The following PACC1 variants were observed in gnomAD, a reference collection of about 807,000 sequenced individuals.
PACC1 encodes the protein proton activated chloride channel 1.
A neutral mutation model predicts 39.7 loss-of-function variants in PACC1; 34 were observed. The observed-to-expected ratio is 0.86, with a 90% confidence interval of 0.65 to 1.14. PACC1 has a LOEUF of 1.14. PACC1 is among the 50% of genes most tolerant of loss of function. The pLI is 0.00. For missense variants in PACC1, 379 were observed against 436.4 expected, an observed-to-expected ratio of 0.87 and a Z score of 1.17; for synonymous variants, 127 against 160.6, an observed-to-expected ratio of 0.79 and a Z score of 1.58.
At chr1:212,369,861 C>T (rs1660381987) in intron 7 of PACC1, among the ~76,000 whole-genome samples, 1 of 151,382 alleles carries the variant, frequency 6.6e-6, no homozygotes, top group South Asian at 2.1e-4. Flanking sequence ...TTAACTATAC[C>T]TGTAACAGAT....
At chr1:212,381,772 C>CACAGTG (rs796773119) in intron 4 of PACC1, among the ~76,000 whole-genome samples, 1 of 148,252 alleles carries the variant, frequency 6.7e-6, no homozygotes, top group African/African-American at 2.5e-5. Context: ...AGCACAGTGA[C>CACAGTG]ACACACACAC....
At chr1:212,371,056 G>A (rs888365784) in intron 7 of PACC1, among the ~76,000 whole-genome samples, 1 of 151,900 alleles carries the variant, frequency 6.6e-6, no homozygotes, top group Non-Finnish European at 1.5e-5. Context: ...GACCATCCTG[G>A]CCAAAATGGT....
intron 1 of PACC1, among the ~76,000 whole-genome samples, chr1:212,412,974 T>G (rs77758655): frequency 0.013 from 2,010 of 152,314 alleles, 22 homozygotes; most frequent in Non-Finnish European, 0.019. Flanking sequence ...GTTATGTGAC[T>G]CAATAAAAGT....
intron 2 of PACC1, among the ~76,000 whole-genome samples, chr1:212,406,250 C>T (rs144354954): frequency 2.0e-3 from 303 of 152,102 alleles, no homozygotes; most frequent in African/African-American, 6.9e-3. Context: ...AGCATGGTGG[C>T]TCACGCCTGT....
chr1:212,393,925 T>C (rs1661421167), intron 2 of PACC1, among the ~76,000 whole-genome samples: 9 of 150,190 alleles, frequency 6.0e-5, no homozygotes, highest in Non-Finnish European at 7.5e-5. Flanking sequence ...TAACAGGCTC[T>C]GAAATTGAGG....
intron 4 of PACC1, among the ~76,000 whole-genome samples, chr1:212,384,416 C>G (rs1385270602): frequency 1.3e-5 from 2 of 152,192 alleles, no homozygotes; most frequent in African/African-American, 4.8e-5. Flanking sequence ...GGCCATTACT[C>G]TGTCCACAGC....
At position 212,365,124 on chromosome 1, in the gene PACC1, A is replaced by G; in HGVS notation, c.*91T>C. 4 of 1,321,484 alleles carry G rather than the reference A, an allele frequency of 3.0e-6. No individual in the cohort carries two copies. The highest frequency in any genetic ancestry group is 4.1e-6 in the Non-Finnish European group (4 of 973,140). 81.9% of individuals were successfully genotyped at this position (1,321,484 alleles called of 1,614,324 possible). A position where few individuals can be genotyped will look rare whatever the true frequency, so the allele number is the denominator to read the frequency against. On this transcript the variant is annotated 3_prime_UTR_variant, in exon 8 of 8. Coordinates refer to ENST00000261455, the MANE Select transcript of PACC1 (RefSeq NM_018252.3). The stretch of plus-strand genomic sequence containing the variant: ...CAGCAAGGCCCCATTTCTTCAAGTG[A>G]GTACAGGATTGTTGATAGCTCCGTT...
Position 212,409,161 on chromosome 1 carries a change from T to C in PACC1, c.133+1264A>G, listed in dbSNP as rs938457263. ...CCCCCAACCTCCATCTGTGGAAAAA[T>C]TGTCTTCCACAAACCGGTCCCTGGT... On this transcript the variant is annotated intron_variant, in intron 2 of 7. Transcript: ENST00000261455. Among the ~76,000 whole-genome samples the C allele has an allele frequency of 7.2e-5, 11 of 152,208 alleles. No individual in the cohort carries two copies. In the East Asian group the frequency reaches 1.2e-3, roughly 16 times the overall value.
intron 4 of PACC1, among the ~76,000 whole-genome samples, chr1:212,381,793 A>ACACACACACACACACACC (rs1470195049): frequency 1.3e-5 from 2 of 151,588 alleles, no homozygotes; most frequent in Non-Finnish European, 2.9e-5. Flanking sequence ...ACACACACAC[A>ACACACACACACACACACC]CACTGCCCAC....
chr1:212,396,050 C>G (rs1661505034), intron 2 of PACC1, among the ~76,000 whole-genome samples: 1 of 152,168 alleles, frequency 6.6e-6, no homozygotes, highest in Non-Finnish European at 1.5e-5. Flanking sequence ...GGATCTAGAA[C>G]TAGAAATACC....
chr1:212,387,017 TG>T lies in PACC1; in HGVS notation c.216del (p.Phe72LeufsTer67). 1.2e-6 allele frequency: 2 copies of T among 1,614,166 alleles called. No homozygotes were observed. The highest frequency in any genetic ancestry group is 1.7e-6 in the Non-Finnish European group (2 of 1,180,028). On this transcript the variant is annotated frameshift_variant, in exon 3 of 8. Coordinates refer to ENST00000261455, the MANE Select transcript of PACC1 (RefSeq NM_018252.3). LOFTEE classifies it high-confidence loss of function. ...LKNVFSVLLI[F>X]IYLLLMAVAV... is the part of the protein sequence containing the mutation. ...GCCACAGCCATGAGCAGCAGGTAGA[TG>T]AAGATGAGTAGGACCGAGAAGACGT...
At chr1:212,379,133 T>G (rs568670411) in intron 5 of PACC1, among the ~76,000 whole-genome samples, 1 of 151,866 alleles carries the variant, frequency 6.6e-6, no homozygotes, top group Non-Finnish European at 1.5e-5. Flanking sequence ...TTAGTAGAGA[T>G]GGGGTTTCAC....
chr1:212,380,008 C>T lies in PACC1; in HGVS notation c.525G>A (p.Arg175=), dbSNP rs1474950052. ...VKSALIVQGP[R]EVKKRELVFL... ...AGACCAGCTCCCGCTTTTTCACTTC[C>T]CGGGGCCCCTGGACAATCAGGGCAG... Residue 175 remains arginine (R), a synonymous_variant, in exon 5 of 8, where the codon CGG becomes CGA. Coordinates refer to ENST00000261455, the MANE Select transcript of PACC1 (RefSeq NM_018252.3). 1 of 1,614,138 alleles carries T rather than the reference C, an allele frequency of 6.2e-7. No individual in the cohort carries two copies. The highest frequency in any genetic ancestry group is 8.5e-7 in the Non-Finnish European group (1 of 1,180,008).
chr1:212,368,698 TCA>T (rs774348741), intron 7 of PACC1, among the ~76,000 whole-genome samples: 7 of 151,680 alleles, frequency 4.6e-5, no homozygotes, highest in Non-Finnish European at 7.4e-5. Context: ...TGAAGAACAC[TCA>T]CAAGGTCTAG....
At chr1:212,394,454 T>G (rs919757392) in intron 2 of PACC1, among the ~76,000 whole-genome samples, 8 of 152,142 alleles carry the variant, frequency 5.3e-5, no homozygotes, top group African/African-American at 1.9e-4. Flanking sequence ...CAAGAGCTAT[T>G]TATGACAAAC....
intron 7 of PACC1, among the ~76,000 whole-genome samples, chr1:212,368,930 G>A (rs1660343447): frequency 6.6e-6 from 1 of 151,832 alleles, no homozygotes; most frequent in African/African-American, 2.4e-5. Flanking sequence ...TACTCGGGAG[G>A]CTGAGGTAGG....
chr1:212,387,316 A>G (rs1261734080), intron 2 of PACC1, among the ~76,000 whole-genome samples: 1 of 152,214 alleles, frequency 6.6e-6, no homozygotes, highest in Non-Finnish European at 1.5e-5. Flanking sequence ...GCTGAAGGAG[A>G]CTTATTCATT....
intron 6 of PACC1, 135 bp downstream of exon 6, chr1:212,377,427 C>T (rs1289042069): frequency 1.7e-6 from 2 of 1,204,386 alleles, no homozygotes; most frequent in African/African-American, 3.0e-5. Flanking sequence ...CATGGGAGTC[C>T]CTTCTCATCC....
chr1:212,371,287 TAAAC>T (rs979824126), intron 7 of PACC1, among the ~76,000 whole-genome samples: 1 of 139,900 alleles, frequency 7.1e-6, no homozygotes, highest in Non-Finnish European at 1.6e-5. Context: ...TTTGAAAAGT[TAAAC>T]AAAATCTAAG....
Sources: gnomAD v4.1 joint callset for allele counts (sites outside exome capture counted in the v4.1 genomes callset) on GRCh38, gnomAD v4.1.1 for gene constraint, MANE v1.5 for transcripts, NCBI Gene and HGNC (gene_info 2026-07-23, HGNC 2026-07-21) for gene names.